Variants in KIAA1614 observed in about 807,000 individuals in gnomAD.
KIAA1614 encodes the protein uncharacterized protein KIAA1614.
A neutral mutation model predicts 88.7 loss-of-function variants in KIAA1614; 76 were observed. That is an observed-to-expected ratio of 0.86 (90% CI 0.71 to 1.04). The LOEUF (loss-of-function observed/expected upper bound fraction) is 1.04, where lower values mean the gene tolerates loss of function less well. Ranked by LOEUF, KIAA1614 falls within the 50% of genes least tolerant of loss-of-function variation. The pLI is 0.00. For missense variants in KIAA1614, 1,553 were observed against 1,582.5 expected (o/e 0.98, Z 0.32); for synonymous variants, 714 against 675.5 (o/e 1.06, Z -0.88).
chr1:180,915,725 C>T (rs1236613380), intron 1 of KIAA1614, among the ~76,000 whole-genome samples: 2 of 152,148 alleles, frequency 1.3e-5, no homozygotes, highest in South Asian at 2.1e-4. Flanking sequence ...GGAACCAGGC[C>T]GCACAGCAGG....
At chr1:180,944,951 C>T (rs939773582) in intron 8 of KIAA1614, 17 of 295,444 alleles carry the variant, frequency 5.8e-5, no homozygotes, top group Admixed American at 4.8e-4. Context: ...CTGCTCTTTC[C>T]TGGGGCGTGG....
chr1:180,928,304 A>G, intron 3 of KIAA1614, 126 bp from the exon 4 acceptor site: 1 of 1,158,074 alleles, frequency 8.6e-7, no homozygotes, highest in Non-Finnish European at 1.2e-6. Context: ...GTGCTAGAGG[A>G]GGAAGGCTGC....
chr1:180,919,149 C>T (rs552379402), intron 3 of KIAA1614, among the ~76,000 whole-genome samples: 4 of 152,312 alleles, frequency 2.6e-5, no homozygotes, highest in Admixed American at 1.3e-4. Flanking sequence ...GAGACACAAA[C>T]ACTGAGTCCA....
intron 4 of KIAA1614, 102 bp downstream of exon 4, chr1:180,928,675 C>A: frequency 7.9e-7 from 1 of 1,266,264 alleles, no homozygotes; most frequent in Non-Finnish European, 1.1e-6. Context: ...CTGCTCGCTC[C>A]ATGTGTGTGT....
Position 180,913,823 on chromosome 1 carries a change from T to G in KIAA1614, c.50+530T>G, listed in dbSNP as rs998838664. ...ACATTCTAATCCCCTGTTTTCTGGA[T>G]TGGACTTTAGAGGAGAAGAAGGAGA... On this transcript the variant is annotated intron_variant, in intron 1 of 8. Coordinates refer to ENST00000367588, the MANE Select transcript of KIAA1614 (RefSeq NM_020950.2). The G allele has an allele frequency of 3.9e-5, 6 of 152,386 alleles. No homozygotes were observed. The South Asian group carries it at 1.2e-3, about 32-fold the overall frequency. The allele number at this position is 152,386 out of a possible 1,614,324, so 9.4% of individuals were successfully genotyped here. A position where few individuals can be genotyped will look rare whatever the true frequency, so the allele number is the denominator to read the frequency against.
chr1:180,926,303 G>A (rs537306747), intron 3 of KIAA1614, among the ~76,000 whole-genome samples: 19 of 152,118 alleles, frequency 1.2e-4, no homozygotes, highest in African/African-American at 4.6e-4. Flanking sequence ...TCAGGCCCTC[G>A]CTTCACCAGG....
rs775038019 is a variant in KIAA1614, at chr1:180,944,459, G to A, written c.3230G>A (p.Gly1077Glu). Residue 1077 changes from glycine to glutamate, a missense_variant, in exon 8 of 9, where the codon GGG becomes GAG. Gly to Glu is a moderately conservative substitution (Grantham distance 98). Coordinates refer to ENST00000367588, the MANE Select transcript of KIAA1614 (RefSeq NM_020950.2). Reference protein sequence around the residue: ...QNLHSLLSSKGNRSSLYLVAG... With the variant: ...QNLHSLLSSKENRSSLYLVAG... ...CTCCATTCTCTGCTGAGCAGCAAGG[G>A]GAACCGGTCCAGCCTCTACCTGGTA... 2 of 1,613,974 alleles carry A rather than the reference G, an allele frequency of 1.2e-6. No individual in the cohort carries two copies. The highest frequency in any genetic ancestry group is 1.7e-6 in the Non-Finnish European group (2 of 1,179,922).
At chr1:180,919,372 G>C (rs1653895108) in intron 3 of KIAA1614, among the ~76,000 whole-genome samples, 1 of 152,124 alleles carries the variant, frequency 6.6e-6, no homozygotes, top group Non-Finnish European at 1.5e-5. Context: ...CCCTCCTCTG[G>C]TCCCCAGCTG....
At chr1:180,927,089 C>A (rs1455204105) in intron 3 of KIAA1614, among the ~76,000 whole-genome samples, 1 of 152,090 alleles carries the variant, frequency 6.6e-6, no homozygotes, top group African/African-American at 2.4e-5. Context: ...CAGAGTTTGT[C>A]CAAGGATGTC....
Position 180,943,548 on chromosome 1 carries a change from A to ATTTTTTTTTTTTTTTTTTTTTTT in KIAA1614, c.3160-840_3160-839insTTTTTTTTTTTTTTTTTTTTTTT, listed in dbSNP as rs201999726. Among the ~76,000 whole-genome samples the ATTTTTTTTTTTTTTTTTTTTTTT allele has an allele frequency of 2.6e-3, 193 of 74,818 alleles. 41 individuals are homozygous for ATTTTTTTTTTTTTTTTTTTTTTT. Among genetic ancestry groups the ATTTTTTTTTTTTTTTTTTTTTTT allele is most frequent in the African/African-American group, 6.3e-3 (111 of 17,712 alleles). 49.1% of individuals were successfully genotyped at this position (74,818 alleles called of 152,430 possible). On this transcript the variant is annotated intron_variant, in intron 7 of 8. Coordinates refer to ENST00000367588, the MANE Select transcript of KIAA1614 (RefSeq NM_020950.2). The stretch of plus-strand genomic sequence containing the variant: ...GGATTGTAGGATTGAATGGTAGTAG[A>ATTTTTTTTTTTTTTTTTTTTTTT]TCTTTTTTTTTTTTTTTTGAGACAG...
At chr1:180,913,494 C>A (rs982281890) in intron 1 of KIAA1614, among the ~76,000 whole-genome samples, 9 of 152,204 alleles carry the variant, frequency 5.9e-5, no homozygotes, top group African/African-American at 2.2e-4. Context: ...CATCACAGTG[C>A]TTGGGCCATA....
intron 6 of KIAA1614, among the ~76,000 whole-genome samples, chr1:180,940,042 T>A (rs777042569): frequency 1.3e-5 from 2 of 152,212 alleles, no homozygotes; most frequent in Non-Finnish European, 2.9e-5. Flanking sequence ...CACCACTCCA[T>A]TTCAAAGAAG....
At chr1:180,934,165 A>G (rs1488642329) in intron 4 of KIAA1614, among the ~76,000 whole-genome samples, 1 of 151,600 alleles carries the variant, frequency 6.6e-6, no homozygotes, top group African/African-American at 2.4e-5. Flanking sequence ...GAGGCAGGAG[A>G]ATCGCTTGAA....
chr1:180,941,642 C>T (rs1189158774), intron 7 of KIAA1614, among the ~76,000 whole-genome samples: 1 of 152,230 alleles, frequency 6.6e-6, no homozygotes, highest in East Asian at 1.9e-4. Context: ...CAGATCACTT[C>T]CCACGTGGAT....
Position 180,929,607 on chromosome 1 carries a change from C to T in KIAA1614, c.1205+1034C>T, listed in dbSNP as rs544850824. Among the ~76,000 whole-genome samples, 24 of 152,356 alleles carry T rather than the reference C, an allele frequency of 1.6e-4. No homozygotes were observed. In the South Asian group the frequency reaches 3.3e-3, roughly 21 times the overall value. On this transcript the variant is annotated intron_variant, in intron 4 of 8. Transcript: ENST00000367588. ...AGCACATCACACACATGACTGCCCC[C>T]TGAGCAACACACTGCATCCCCATCT...
Position 180,941,133 on chromosome 1 carries a change from A to G in KIAA1614, c.3007A>G (p.Thr1003Ala), listed in dbSNP as rs1479319972. ...NKKRSSSIAS[T>A]LGLKKLFSAL... ...GAAAAGGAGCAGCAGCATAGCCTCC[A>G]CCCTGGGGCTGAAAAAGCTCTTCTC... The change falls in exon 7 of 9, where the codon ACC becomes GCC. Residue 1003 changes from threonine to alanine, a missense_variant. Coordinates refer to ENST00000367588, the MANE Select transcript of KIAA1614 (RefSeq NM_020950.2). 3.7e-6 allele frequency: 6 copies of G among 1,612,592 alleles called. No homozygotes were observed. Among genetic ancestry groups the G allele is most frequent in the Non-Finnish European group, 5.1e-6 (6 of 1,179,826 alleles).
At chr1:180,940,976 C>G (rs1654445903) in intron 6 of KIAA1614, 69 bp from the exon 7 acceptor site, 1 of 1,389,772 alleles carries the variant, frequency 7.2e-7, no homozygotes, top group East Asian at 2.5e-5. Flanking sequence ...GAGATGGCCC[C>G]AGGGTACAGT....
chr1:180,922,163 T>G (rs1245415574), intron 3 of KIAA1614, among the ~76,000 whole-genome samples: 1 of 152,222 alleles, frequency 6.6e-6, no homozygotes, highest in Non-Finnish European at 1.5e-5. Context: ...GGACCTTCTC[T>G]GTATGTGTGA....
At chr1:180,940,198 C>T (rs770262394) in intron 6 of KIAA1614, among the ~76,000 whole-genome samples, 12 of 152,156 alleles carry the variant, frequency 7.9e-5, no homozygotes, top group Non-Finnish European at 1.6e-4. Flanking sequence ...CATAGTAGGT[C>T]GTTAAGAAGT....
Sources: allele counts gnomAD v4.1 joint callset (sites outside exome capture counted in the v4.1 genomes callset), GRCh38; gene constraint gnomAD v4.1.1; transcripts MANE v1.5; gene names NCBI Gene and HGNC (gene_info 2026-07-23, HGNC 2026-07-21).